Variants in SACM1L observed in about 807,000 individuals in gnomAD.
SACM1L encodes the protein phosphatidylinositol-3-phosphatase SAC1.
Under a neutral mutation model 89.5 loss-of-function variants are expected in SACM1L, and 32 were observed. The ratio of observed to expected loss-of-function variants is 0.36; its 90% CI spans 0.27 to 0.48. The LOEUF (loss-of-function observed/expected upper bound fraction) is 0.48. SACM1L is among the 20% of genes least tolerant of loss of function. SACM1L has a pLI of 0.99. For synonymous variants in SACM1L, 213 were observed against 232.8 expected (o/e 0.92, Z 0.77); for missense variants, 543 against 708.5 (o/e 0.77, Z 2.65).
chr3:45,697,882 T>C (rs1698167579), intron 1 of SACM1L, among the ~76,000 whole-genome samples: 1 of 152,302 alleles, frequency 6.6e-6, no homozygotes, highest in African/African-American at 2.4e-5. Flanking sequence ...CTTTGAACCT[T>C]AGAGATCTGT....
Position 45,744,477 on chromosome 3 carries a change from T to C in SACM1L, c.*808T>C, listed in dbSNP as rs1699382335. 1 of 152,646 alleles carries C rather than the reference T, an allele frequency of 6.6e-6. No homozygotes were observed. Among genetic ancestry groups the C allele is most frequent in the Non-Finnish European group, 1.5e-5 (1 of 68,034 alleles). The allele number at this position is 152,646 out of a possible 1,614,324, so 9.5% of individuals were successfully genotyped here. A position where few individuals can be genotyped will look rare whatever the true frequency, so the allele number is the denominator to read the frequency against. ...ATGACTGGTCAGCTACTTCCTCCTA[T>C]ACATTTTGGTTTCTTTGAGGGTCAC... On this transcript the variant is annotated 3_prime_UTR_variant, in exon 20 of 20. Coordinates refer to ENST00000389061, the MANE Select transcript of SACM1L (RefSeq NM_014016.5).
At chr3:45,705,496 A>ATTTT (rs36040487) in intron 3 of SACM1L, among the ~76,000 whole-genome samples, 7 of 103,198 alleles carry the variant, frequency 6.8e-5, no homozygotes, top group African/African-American at 2.6e-4. Context: ...TGTAAATAAA[A>ATTTT]TTTTTTTTTT....
chr3:45,718,294 TA>T (rs5848764), intron 7 of SACM1L, among the ~76,000 whole-genome samples: 24,431 of 148,324 alleles, frequency 0.16, 2,163 homozygotes, highest in African/African-American at 0.25. Flanking sequence ...CCTGTTATGT[TA>T]AAAAAAAAAA....
chr3:45,715,998 A>G (rs1698648507), intron 7 of SACM1L, among the ~76,000 whole-genome samples: 1 of 152,070 alleles, frequency 6.6e-6, no homozygotes. Flanking sequence ...TAGTTTGTTG[A>G]CTAGAAGTAA....
Position 45,739,519 on chromosome 3 carries a change from G to A in SACM1L, c.1570-68G>A, listed in dbSNP as rs1699271568. On this transcript the variant is annotated intron_variant, in intron 18 of 19. Coordinates refer to ENST00000389061, the MANE Select transcript of SACM1L (RefSeq NM_014016.5). Reference sequence around the variant, plus strand: ...TTTATTCTTTTCCCAAGCAATGCATGCACAACTGATTTTGCTGCCATTGAT... The same window carrying A: ...TTTATTCTTTTCCCAAGCAATGCATACACAACTGATTTTGCTGCCATTGAT... The A allele has an allele frequency of 5.8e-6, 8 of 1,390,502 alleles. No homozygotes were observed. The South Asian group carries it at 8.1e-5, about 14-fold the overall frequency. The allele number at this position is 1,390,502 out of a possible 1,614,324, so 86.1% of individuals were successfully genotyped here. A position where few individuals can be genotyped will look rare whatever the true frequency, so the allele number is the denominator to read the frequency against.
At chr3:45,708,140 A>G (rs559847365) in intron 4 of SACM1L, among the ~76,000 whole-genome samples, 31 of 152,250 alleles carry the variant, frequency 2.0e-4, no homozygotes, top group Non-Finnish European at 3.8e-4. Context: ...AGTTTTTACA[A>G]TTGACTGTTA....
intron 1 of SACM1L, among the ~76,000 whole-genome samples, chr3:45,697,333 G>T (rs1293337890): frequency 7.4e-6 from 1 of 135,954 alleles, no homozygotes; most frequent in Non-Finnish European, 1.5e-5. Context: ...CTGGAGTGTA[G>T]TGGTGCGATC....
chr3:45,722,476 C>T (rs1004217076), intron 9 of SACM1L, among the ~76,000 whole-genome samples: 8 of 152,116 alleles, frequency 5.3e-5, no homozygotes, highest in African/African-American at 1.9e-4. Context: ...CCACTTGCTG[C>T]TCCAGAGCGT....
intron 1 of SACM1L, among the ~76,000 whole-genome samples, chr3:45,691,185 A>T (rs565663862): frequency 1.3e-5 from 2 of 152,238 alleles, no homozygotes; most frequent in Non-Finnish European, 2.9e-5. Flanking sequence ...GATAAAGTCA[A>T]ACTGGGGTTA....
chr3:45,738,437 T>G, intron 16 of SACM1L, 141 bp from the exon 17 acceptor site: 1 of 591,252 alleles, frequency 1.7e-6, no homozygotes, highest in Non-Finnish European at 3.0e-6. Context: ...AGTGATTTCT[T>G]TTGTGAAGTA....
chr3:45,689,552 G>T, intron 1 of SACM1L, 55 bp downstream of exon 1: 1 of 1,539,512 alleles, frequency 6.5e-7, no homozygotes, highest in Non-Finnish European at 8.8e-7. Flanking sequence ...GCAGGTGCGG[G>T]CCCTGGCCTC....
chr3:45,729,968 T>C lies in SACM1L; in HGVS notation c.922-1333T>C, dbSNP rs937814939. ...TCCAGAATTATTTTTTGGCTTCTTATAATAATTTTTCTATCTTTGTTGATA... is the reference window on the plus strand; with the variant it reads ...TCCAGAATTATTTTTTGGCTTCTTACAATAATTTTTCTATCTTTGTTGATA... On this transcript the variant is annotated intron_variant, in intron 11 of 19. Coordinates refer to ENST00000389061, the MANE Select transcript of SACM1L (RefSeq NM_014016.5). 7.9e-5 allele frequency among the ~76,000 whole-genome samples: 12 copies of C among 152,278 alleles called. 1 individual carries two copies. In the East Asian group the frequency reaches 1.2e-3, roughly 15 times the overall value.
At chr3:45,729,521 A>G (rs943093833) in intron 11 of SACM1L, among the ~76,000 whole-genome samples, 4 of 152,220 alleles carry the variant, frequency 2.6e-5, no homozygotes, top group Non-Finnish European at 5.9e-5. Flanking sequence ...TTGTTTATCT[A>G]GGAATGTCTT....
intron 11 of SACM1L, among the ~76,000 whole-genome samples, chr3:45,727,841 C>T (rs566856240): frequency 7.6e-4 from 116 of 152,206 alleles, no homozygotes; most frequent in Admixed American, 1.2e-3. Flanking sequence ...GTGATCTGCC[C>T]GCCTCGGCCT....
rs1248144951 is a variant in SACM1L, at chr3:45,689,438, G to T, written c.-28G>T. 2 of 1,556,006 alleles carry T rather than the reference G, an allele frequency of 1.3e-6. No homozygotes were observed. The highest frequency in any genetic ancestry group is 2.4e-5 in the East Asian group (1 of 41,544). The stretch of plus-strand genomic sequence containing the variant: ...GGCGGCGCGGGGCGGGGCGGGCGGA[G>T]AGAGAAGGAAGGAGGTGGTTGTGCA... On this transcript the variant is annotated 5_prime_UTR_variant, in exon 1 of 20. Coordinates refer to ENST00000389061, the MANE Select transcript of SACM1L (RefSeq NM_014016.5).
At chr3:45,723,723 A>G (rs564276086) in intron 11 of SACM1L, among the ~76,000 whole-genome samples, 180 bp downstream of exon 11, 27 of 152,236 alleles carry the variant, frequency 1.8e-4, no homozygotes, top group Admixed American at 1.6e-3. Flanking sequence ...AACTCTACCC[A>G]TTAAACAATT....
At chr3:45,693,368 A>C (rs1310173368) in intron 1 of SACM1L, among the ~76,000 whole-genome samples, 2 of 152,242 alleles carry the variant, frequency 1.3e-5, no homozygotes, top group Non-Finnish European at 2.9e-5. Context: ...TCAACTGAGT[A>C]AATGAAAGGA....
chr3:45,721,957 T>C, intron 8 of SACM1L, 43 bp from the exon 9 acceptor site: 1 of 1,332,548 alleles, frequency 7.5e-7, no homozygotes. Flanking sequence ...TGTGTTTCTT[T>C]GTGTAATCAG....
intron 1 of SACM1L, among the ~76,000 whole-genome samples, chr3:45,690,885 G>T (rs1697968206): frequency 6.6e-6 from 1 of 152,062 alleles, no homozygotes; most frequent in Non-Finnish European, 1.5e-5. Flanking sequence ...TATCTGATAG[G>T]CACTGAAGGG....
Sources: allele counts gnomAD v4.1 joint callset (sites outside exome capture counted in the v4.1 genomes callset), GRCh38; gene constraint gnomAD v4.1.1; transcripts MANE v1.5; gene names NCBI Gene and HGNC (gene_info 2026-07-23, HGNC 2026-07-21).